Variants in ZNF420 observed in about 807,000 individuals in gnomAD.
ZNF420 encodes the protein zinc finger protein 420, also known as ATM and p53-associated KZNF protein.
In ZNF420, 31 loss-of-function variants were observed where a neutral mutation model predicts 44.7. That is an observed-to-expected ratio of 0.69 (90% confidence interval 0.52 to 0.94). The LOEUF is 0.94. Among genes scored for constraint, ZNF420 ranks in the 40% least tolerant of loss-of-function variants. ZNF420 has a pLI of 0.00. For missense variants in ZNF420, 681 were observed against 827.9 expected (o/e 0.82, Z 2.18); for synonymous variants, 245 against 267.4 (o/e 0.92, Z 0.82).
intron 1 of ZNF420, among the ~76,000 whole-genome samples, chr19:37,020,672 A>G (rs1433466075): frequency 6.6e-6 from 1 of 152,268 alleles, no homozygotes; most frequent in Non-Finnish European, 1.5e-5. Context: ...TAGATACATA[A>G]GTAAAATGCA....
At chr19:37,094,541 AT>A (rs1969331680) in intron 4 of ZNF420, among the ~76,000 whole-genome samples, 1 of 152,168 alleles carries the variant, frequency 6.6e-6, no homozygotes, top group Non-Finnish European at 1.5e-5. Flanking sequence ...ACTAAAACAT[AT>A]TTATTCAGTC....
chr19:37,112,898 G>A (rs1488409698), intron 4 of ZNF420, among the ~76,000 whole-genome samples: 1 of 152,144 alleles, frequency 6.6e-6, no homozygotes, highest in Non-Finnish European at 1.5e-5. Context: ...ATCCCTGTGG[G>A]GATTTTTTTG....
intron 4 of ZNF420, among the ~76,000 whole-genome samples, chr19:37,099,559 T>C (rs1362773387): frequency 6.6e-6 from 1 of 152,206 alleles, no homozygotes; most frequent in Non-Finnish European, 1.5e-5. Flanking sequence ...TTCTTATATA[T>C]TCTTGGTATT....
At chr19:37,032,906 C>T (rs543955552) in intron 1 of ZNF420, among the ~76,000 whole-genome samples, 76 of 152,256 alleles carry the variant, frequency 5.0e-4, no homozygotes, top group Non-Finnish European at 8.8e-4. Context: ...TCATCTGTAT[C>T]AGGTGTGGTC....
intron 1 of ZNF420, among the ~76,000 whole-genome samples, chr19:37,008,908 T>C (rs1421671056): frequency 6.6e-6 from 1 of 152,230 alleles, no homozygotes; most frequent in Admixed American, 6.5e-5. Flanking sequence ...CATGTCATGA[T>C]TGTTTCCCTC....
chr19:37,127,161 C>G lies in ZNF420; in HGVS notation c.170C>G (p.Ser57Cys). ...LPSRCASKDL[S>C]PEKNTYETEL... is the part of the protein sequence containing the mutation. ...TCAAGGTGTGCAAGTAAGGACTTATCTCCAGAAAAGAACACTTATGAAACA... is the reference window on the plus strand; with the variant it reads ...TCAAGGTGTGCAAGTAAGGACTTATGTCCAGAAAAGAACACTTATGAAACA... The change falls in exon 5 of 5, where the codon TCT becomes TGT. Residue 57 changes from serine (S) to cysteine (C), a missense_variant. By Grantham distance (112) the Ser-to-Cys change is moderately radical. This residue lies in a region of ZNF420 where 350 missense variants were observed against 382.5 expected (regional missense o/e 0.92). Transcript: ENST00000337995. 2 of 1,543,260 alleles carry G rather than the reference C, an allele frequency of 1.3e-6. No homozygotes were observed. The highest frequency in any genetic ancestry group is 1.7e-6 in the Non-Finnish European group (2 of 1,145,950).
intron 1 of ZNF420, among the ~76,000 whole-genome samples, chr19:37,047,652 C>T (rs1451662535): frequency 6.6e-6 from 1 of 152,158 alleles, no homozygotes; most frequent in Non-Finnish European, 1.5e-5. Context: ...CGTAATATCT[C>T]TTACTTTTGG....
chr19:37,117,825 T>TGCAGAAGCC (rs1225128057), intron 4 of ZNF420, among the ~76,000 whole-genome samples: 5 of 152,088 alleles, frequency 3.3e-5, no homozygotes, highest in Non-Finnish European at 7.4e-5. Flanking sequence ...ATGTGAAGAA[T>TGCAGAAGCC]GCAGAAGCCT....
At chr19:37,111,273 C>G (rs1970374499) in intron 4 of ZNF420, among the ~76,000 whole-genome samples, 1 of 152,162 alleles carries the variant, frequency 6.6e-6, no homozygotes, top group South Asian at 2.1e-4. Context: ...TTTGTTGCCT[C>G]TCGGGTTAAT....
At chr19:37,036,373 C>T (rs992340661) in intron 1 of ZNF420, among the ~76,000 whole-genome samples, 1 of 152,016 alleles carries the variant, frequency 6.6e-6, no homozygotes, top group Non-Finnish European at 1.5e-5. Flanking sequence ...TGTCATGTAT[C>T]AATAAAAACA....
intron 1 of ZNF420, among the ~76,000 whole-genome samples, chr19:37,058,651 C>T (rs540407740): frequency 1.3e-5 from 2 of 152,132 alleles, no homozygotes; most frequent in East Asian, 1.9e-4. Flanking sequence ...TTCTCAGAGG[C>T]GCTATGCTTT....
intron 1 of ZNF420, among the ~76,000 whole-genome samples, chr19:37,048,636 TAAGG>T (rs1178492929): frequency 6.6e-6 from 1 of 152,192 alleles, no homozygotes; most frequent in East Asian, 1.9e-4. Context: ...ACAAATGACT[TAAGG>T]AATTCCTCAG....
At chr19:37,061,516 T>G (rs943353711) in intron 1 of ZNF420, among the ~76,000 whole-genome samples, 2 of 152,216 alleles carry the variant, frequency 1.3e-5, no homozygotes, top group Admixed American at 6.5e-5. Flanking sequence ...AAGCAGGTTT[T>G]GGGGACAAGT....
intron 1 of ZNF420, among the ~76,000 whole-genome samples, chr19:37,070,367 G>A (rs1465621130): frequency 6.6e-6 from 1 of 152,042 alleles, no homozygotes; most frequent in African/African-American, 2.4e-5. Context: ...CTTTGATATA[G>A]AGAAGGATTT....
intron 4 of ZNF420, chr19:37,115,107 G>C (rs565845461): frequency 5.8e-6 from 1 of 171,490 alleles, no homozygotes; most frequent in Non-Finnish European, 1.3e-5. Context: ...GACCATAGAC[G>C]TACTCAGGAA....
intron 2 of ZNF420, among the ~76,000 whole-genome samples, chr19:37,087,790 C>T (rs1294918739): frequency 6.6e-6 from 1 of 152,140 alleles, no homozygotes. Context: ...GGACTACAGG[C>T]GCTCGCCACC....
At chr19:37,042,963 G>T (rs935836717) in intron 1 of ZNF420, among the ~76,000 whole-genome samples, 5 of 151,432 alleles carry the variant, frequency 3.3e-5, no homozygotes, top group Non-Finnish European at 7.4e-5. Context: ...AGAGAGCCAA[G>T]GAGAGAGAGA....
chr19:37,042,031 G>A (rs1599611644), intron 1 of ZNF420, among the ~76,000 whole-genome samples: 1 of 152,088 alleles, frequency 6.6e-6, no homozygotes, highest in South Asian at 2.1e-4. Context: ...ACGAAGTCTC[G>A]CTCTGTTGCC....
In ZNF420 at chr19:37,127,228, T is replaced by A; in HGVS notation, c.237T>A (p.Cys79Ter). 1.2e-6 allele frequency: 2 copies of A among 1,608,648 alleles called. No homozygotes were observed. Among genetic ancestry groups the A allele is most frequent in the East Asian group, 2.2e-5 (1 of 44,826 alleles). Residue 79 changes from cysteine to a stop codon, truncating the protein, a stop_gained, in exon 5 of 5, where the codon TGT becomes TGA. Coordinates refer to ENST00000337995, the MANE Select transcript of ZNF420 (RefSeq NM_144689.5). LOFTEE classifies it low-confidence loss of function (END_TRUNC). Reference sequence around the variant, plus strand: ...AAATGAGTGACAGACTTGAAAACTGTGATCTTGAAGAGTCCAATTCCAGGG... The same window carrying A: ...AAATGAGTGACAGACTTGAAAACTGAGATCTTGAAGAGTCCAATTCCAGGG... ...QWEMSDRLEN[C>*]DLEESNSRDY...
Sources: allele counts gnomAD v4.1 joint callset (sites outside exome capture counted in the v4.1 genomes callset), GRCh38; gene constraint gnomAD v4.1.1; regional missense constraint gnomAD v4.1.1; transcripts MANE v1.5; gene names NCBI Gene and HGNC (gene_info 2026-07-23, HGNC 2026-07-21).